Variants in TMEM230 observed in about 807,000 individuals in gnomAD.
The protein encoded by TMEM230 is UPF0414 transmembrane protein C20orf30.
TMEM230 carries 10 observed loss-of-function variants against 15.8 expected under a neutral mutation model. The observed-to-expected ratio is 0.63, with a 90% CI of 0.39 to 1.07. The LOEUF (loss-of-function observed/expected upper bound fraction) is 1.07. TMEM230 is among the 50% of genes least tolerant of loss of function. The pLI, the probability that TMEM230 is intolerant of heterozygous loss-of-function variation, is 0.01. For synonymous variants in TMEM230, 67 were observed against 76.9 expected (o/e 0.87, Z 0.68); for missense variants, 165 against 193.3 (o/e 0.85, Z 0.87).
At chr20:5,098,068 G>A (rs2089719342), downstream of TMEM230, among the ~76,000 whole-genome samples, 1 of 137,456 alleles carries the variant, frequency 7.3e-6, no homozygotes, top group African/African-American at 2.7e-5. Context: ...ACCTTAGCCT[G>A]CCGGGTTCAA....
chr20:5,087,818 G>A (rs1470495649), intron 3 of TMEM230, among the ~76,000 whole-genome samples: 2 of 148,308 alleles, frequency 1.3e-5, no homozygotes, highest in African/African-American at 4.9e-5. Flanking sequence ...GCATTCGGTG[G>A]AGTAGCTGGG....
At chr20:5,094,516 G>A (rs2089607530) in intron 3 of TMEM230, among the ~76,000 whole-genome samples, 1 of 151,472 alleles carries the variant, frequency 6.6e-6, no homozygotes, top group Non-Finnish European at 1.5e-5. Flanking sequence ...AGACCAGCCT[G>A]GACAACATGG....
chr20:5,097,602 G>A (rs1168060343), downstream of TMEM230, among the ~76,000 whole-genome samples: 1 of 152,100 alleles, frequency 6.6e-6, no homozygotes, highest in Non-Finnish European at 1.5e-5. Context: ...GTCATATCTG[G>A]TAAAGGGAAT....
chr20:5,107,776 T>C (rs918616043), intron 3 of TMEM230, among the ~76,000 whole-genome samples: 6 of 149,650 alleles, frequency 4.0e-5, no homozygotes, highest in Non-Finnish European at 5.9e-5. Flanking sequence ...ATTGTGCCAC[T>C]GTACCCAAGC....
At position 5,083,934 on chromosome 20, in the gene TMEM230, T is replaced by G. The variant is rs111514648; in HGVS notation, c.223-14585A>C. On this transcript the variant is annotated intron_variant, in intron 3 of 3. Transcript: ENST00000612323. ...TAAATTATGTATCGTGGGGGTTTGG[T>G]ATACTGACTATTTCGTCACCCAGGT... Among the ~76,000 whole-genome samples the G allele has an allele frequency of 1.0e-3, 156 of 152,328 alleles. 3 individuals carry two copies. In the South Asian group the frequency reaches 0.015, roughly 15 times the overall value.
chr20:5,069,344 G>A (rs1232015534), exon 4 of TMEM230: 20 of 1,531,182 alleles, frequency 1.3e-5, no homozygotes, highest in African/African-American at 2.7e-5. Context: ...AGGTGGATTC[G>A]AGACTCTGAG....
downstream of TMEM230, among the ~76,000 whole-genome samples, chr20:5,064,694 A>C (rs557140687): frequency 6.6e-6 from 1 of 152,360 alleles, no homozygotes; most frequent in South Asian, 2.1e-4. Flanking sequence ...TGAAAACAAA[A>C]ATAAATCAAA....
chr20:5,074,675 A>C (rs1295830161), intron 3 of TMEM230, among the ~76,000 whole-genome samples: 1 of 152,142 alleles, frequency 6.6e-6, no homozygotes, highest in East Asian at 1.9e-4. Context: ...ATGGTGGTAC[A>C]TGCTTGTAAT....
At chr20:5,083,332 GA>G (rs1222411974) in intron 3 of TMEM230, among the ~76,000 whole-genome samples, 1 of 132,960 alleles carries the variant, frequency 7.5e-6, no homozygotes, top group Non-Finnish European at 1.6e-5. Flanking sequence ...TTTAATAGAA[GA>G]AAGAGAAAGA....
intron 3 of TMEM230, among the ~76,000 whole-genome samples, chr20:5,079,647 A>G (rs186830956): frequency 6.6e-6 from 1 of 152,172 alleles, no homozygotes; most frequent in African/African-American, 2.4e-5. Flanking sequence ...AGCTTTTACT[A>G]GTGTAATGAA....
At position 5,070,592 on chromosome 20, in the gene TMEM230, C is replaced by T. The variant is rs6053072; in HGVS notation, c.223-1243G>A. 1.7e-4 allele frequency among the ~76,000 whole-genome samples: 26 copies of T among 152,202 alleles called. No individual in the cohort carries two copies. In the East Asian group the frequency reaches 4.6e-3, roughly 27 times the overall value. On this transcript the variant is annotated intron_variant, in intron 3 of 3. Transcript: ENST00000612323. ...CTCTGCCATATTCCTGATCCAGATG[C>T]GCAAAGGGCTGTGGTAGGTGACAGG...
chr20:5,094,053 G>GGTTCAAGC (rs2089592063), intron 3 of TMEM230, among the ~76,000 whole-genome samples: 1 of 151,636 alleles, frequency 6.6e-6, no homozygotes, highest in South Asian at 2.1e-4. Context: ...CTGCCTCCCG[G>GGTTCAAGC]GTTCAAGCGA....
intron 4 of TMEM230, 97 bp from the exon 4 acceptor site, chr20:5,101,028 T>C (rs965582378): frequency 1.4e-5 from 19 of 1,386,612 alleles, no homozygotes; most frequent in Non-Finnish European, 1.7e-5. Flanking sequence ...TATTTTATAC[T>C]CTTCAGTACT....
intron 4 of TMEM230, among the ~76,000 whole-genome samples, chr20:5,103,588 G>A (rs2089954013): frequency 6.6e-6 from 1 of 150,754 alleles, no homozygotes; most frequent in Non-Finnish European, 1.5e-5. Flanking sequence ...CCGAGATGGT[G>A]CCACTGCACT....
rs1214672730 is a variant in TMEM230, at chr20:5,113,023, T to C, written c.6A>G (p.Gln2=). The stretch of plus-strand genomic sequence containing the variant: ...CGCCCACGGTTGGCAGCGCCCAAGG[T>C]TGCATGGCATGGCCCGCTTAAGTGC... The change falls in exon 1 of 5, where the codon CAA becomes CAG. Residue 2 remains glutamine (Q), a synonymous_variant. Transcript: ENST00000342308. 8 of 1,548,128 alleles carry C rather than the reference T, an allele frequency of 5.2e-6. No homozygotes were observed. Among genetic ancestry groups the C allele is most frequent in the East Asian group, 4.9e-5 (2 of 40,974 alleles).
chr20:5,091,690 C>T (rs1409096726), intron 3 of TMEM230, among the ~76,000 whole-genome samples: 2 of 151,246 alleles, frequency 1.3e-5, no homozygotes, highest in East Asian at 2.0e-4. Context: ...ATATTGCAAA[C>T]TTCTGGAGGA....
chr20:5,085,798 C>T (rs1317667274), intron 3 of TMEM230, among the ~76,000 whole-genome samples: 6 of 152,076 alleles, frequency 3.9e-5, no homozygotes, highest in Admixed American at 1.3e-4. Context: ...GGGTAGGGGA[C>T]GGGAGGCCAG....
downstream of TMEM230, among the ~76,000 whole-genome samples, chr20:5,064,393 A>G (rs1038844561): frequency 2.0e-5 from 3 of 151,650 alleles, no homozygotes; most frequent in Non-Finnish European, 4.4e-5. Context: ...CCTGACCAAC[A>G]TGGAGAAACC....
intron 3 of TMEM230, among the ~76,000 whole-genome samples, chr20:5,074,737 G>C (rs993110619): frequency 1.1e-4 from 16 of 152,054 alleles, no homozygotes; most frequent in African/African-American, 3.6e-4. Flanking sequence ...TAAGGAGTTT[G>C]AGACCAGCCT....
Sources: gnomAD v4.1 joint callset for allele counts (sites outside exome capture counted in the v4.1 genomes callset) on GRCh38, gnomAD v4.1.1 for gene constraint, MANE v1.5 for transcripts, NCBI Gene and HGNC (gene_info 2026-07-23, HGNC 2026-07-21) for gene names.